Variants in PDE10A observed in about 807,000 individuals in gnomAD.
The protein encoded by PDE10A is cAMP and cAMP-inhibited cGMP 3',5'-cyclic phosphodiesterase 10A.
In PDE10A, 39 loss-of-function variants were observed where a neutral mutation model predicts 97.7. The observed-to-expected ratio is 0.40, with a 90% CI of 0.31 to 0.52. The LOEUF is 0.52. Ranked by LOEUF, PDE10A falls within the 20% of genes least tolerant of loss-of-function variation. The pLI is 0.56. For missense variants in PDE10A, 731 were observed against 1,047.8 expected (o/e 0.70, Z 4.17); for synonymous variants, 371 against 376.8 (o/e 0.98, Z 0.18).
intron 1 of PDE10A, among the ~76,000 whole-genome samples, chr6:165,764,521 G>A (rs1167347913): frequency 1.7e-5 from 2 of 119,870 alleles, no homozygotes; most frequent in South Asian, 7.2e-4. Context: ...AAGGTGGTGT[G>A]TCTGGAGTTT....
chr6:165,948,617 G>A (rs149107298), intron 1 of PDE10A: 106 of 152,466 alleles, frequency 7.0e-4, no homozygotes, highest in African/African-American at 2.5e-3. Flanking sequence ...TGCTAAGGAA[G>A]GTAGCTGAGA....
intron 1 of PDE10A, among the ~76,000 whole-genome samples, chr6:165,758,974 A>G (rs1793188864): frequency 6.6e-6 from 1 of 152,154 alleles, no homozygotes; most frequent in East Asian, 1.9e-4. Context: ...TTATTTGTAA[A>G]TGTAGGCATC....
intron 5 of PDE10A, among the ~76,000 whole-genome samples, chr6:165,436,830 TAG>T (rs1790052041): frequency 6.6e-6 from 1 of 152,192 alleles, no homozygotes; most frequent in African/African-American, 2.4e-5. Context: ...AGACTATCAT[TAG>T]ATTCAGTATC....
intron 1 of PDE10A, among the ~76,000 whole-genome samples, chr6:165,813,296 A>AG (rs1180227913): frequency 6.8e-6 from 1 of 147,526 alleles, no homozygotes; most frequent in Non-Finnish European, 1.5e-5. Flanking sequence ...TATATTTTTG[A>AG]GGAAGTTTGA....
At chr6:165,984,843 G>T (rs373588682) in intron 1 of PDE10A, among the ~76,000 whole-genome samples, 19 of 152,186 alleles carry the variant, frequency 1.2e-4, no homozygotes, top group Admixed American at 3.3e-4. Flanking sequence ...ACTCCTTCCA[G>T]TGTAACCAAA....
chr6:165,613,507 T>A (rs1178884473), intron 1 of PDE10A, among the ~76,000 whole-genome samples: 2 of 151,950 alleles, frequency 1.3e-5, no homozygotes, highest in East Asian at 3.9e-4. Context: ...GGCGTGGTGG[T>A]ACGCACCTAT....
rs554701228 is a variant in PDE10A at position 165,597,031 on chromosome 6, T to C, written c.866-53463A>G. Among the ~76,000 whole-genome samples the C allele has an allele frequency of 7.2e-5, 11 of 152,196 alleles. No homozygotes were observed. The South Asian group carries it at 2.3e-3, about 32-fold the overall frequency. ...TGCAGCCTTCCCTGCCCATGTTAATTAAAATGGTAACTGCCCTTCACTCCT... is the reference window on the plus strand; with the variant it reads ...TGCAGCCTTCCCTGCCCATGTTAATCAAAATGGTAACTGCCCTTCACTCCT... On this transcript the variant is annotated intron_variant, in intron 1 of 21. Coordinates refer to ENST00000539869, the MANE Select transcript of PDE10A (RefSeq NM_001385079.1).
intron 1 of PDE10A, chr6:165,948,247 AG>A (rs972603107): frequency 6.6e-6 from 1 of 152,202 alleles, no homozygotes; most frequent in Non-Finnish European, 1.5e-5. Flanking sequence ...TTTATTATCA[AG>A]TGCAGGTGGA....
intron 1 of PDE10A, among the ~76,000 whole-genome samples, chr6:165,803,689 T>C (rs1245680320): frequency 6.6e-6 from 1 of 152,210 alleles, no homozygotes; most frequent in African/African-American, 2.4e-5. Context: ...TAAAAATAAA[T>C]ATGGTATTTA....
rs11394414 is a variant in PDE10A, at chr6:165,558,998, T to TAA, written c.866-15432_866-15431dup. On this transcript the variant is annotated intron_variant, in intron 1 of 21. Transcript: ENST00000539869. ...GGAAGCACTATAACAACAATTCAAG[T>TAA]AAAAAAAAAAATTAAAATTCTCTTT... Among the ~76,000 whole-genome samples the TAA allele has an allele frequency of 2.6e-4, 39 of 148,592 alleles. No individual in the cohort carries two copies. In the South Asian group the frequency reaches 3.0e-3, roughly 11 times the overall value.
At chr6:165,572,383 T>C (rs537815303) in intron 1 of PDE10A, among the ~76,000 whole-genome samples, 112 of 152,360 alleles carry the variant, frequency 7.4e-4, no homozygotes, top group African/African-American at 2.5e-3. Context: ...TATATGAAAG[T>C]TGCTTTAAAA....
chr6:165,619,916 CAGATG>C (rs1177400796), intron 1 of PDE10A, among the ~76,000 whole-genome samples: 2 of 152,076 alleles, frequency 1.3e-5, no homozygotes, highest in African/African-American at 4.8e-5. Flanking sequence ...CTATAAACAT[CAGATG>C]AGATGAGATA....
intron 1 of PDE10A, among the ~76,000 whole-genome samples, chr6:165,595,540 T>C (rs1213742103): frequency 6.6e-6 from 1 of 152,244 alleles, no homozygotes; most frequent in Non-Finnish European, 1.5e-5. Context: ...AAATCAGTCC[T>C]TATTTTAATC....
At chr6:165,939,995 G>A (rs1192265171) in intron 1 of PDE10A, 1 of 152,264 alleles carries the variant, frequency 6.6e-6, no homozygotes, top group African/African-American at 2.4e-5. Context: ...TTGGGCAGCA[G>A]AAGAGGTCAT....
chr6:165,808,388 C>G (rs1156530194), intron 1 of PDE10A, among the ~76,000 whole-genome samples: 2 of 152,066 alleles, frequency 1.3e-5, no homozygotes, highest in Non-Finnish European at 2.9e-5. Context: ...TTCACACAGA[C>G]AGCGGGTGAT....
chr6:165,462,574 G>A (rs369983342), intron 3 of PDE10A, among the ~76,000 whole-genome samples: 13 of 152,270 alleles, frequency 8.5e-5, no homozygotes, highest in East Asian at 5.8e-4. Context: ...GGAGGATCCC[G>A]AGGACCCCCT....
intron 1 of PDE10A, among the ~76,000 whole-genome samples, chr6:165,808,291 T>C (rs1779190691): frequency 6.6e-6 from 1 of 152,204 alleles, no homozygotes; most frequent in African/African-American, 2.4e-5. Context: ...TAGTTGCCAG[T>C]CCCTCTGGTC....
intron 3 of PDE10A, among the ~76,000 whole-genome samples, chr6:165,467,051 T>G (rs758878278): frequency 2.6e-5 from 4 of 152,172 alleles, no homozygotes; most frequent in Non-Finnish European, 4.4e-5. Context: ...GGATAGAAGA[T>G]CAAACCAACT....
chr6:165,459,423 T>C (rs1778159356), intron 3 of PDE10A, among the ~76,000 whole-genome samples: 1 of 152,068 alleles, frequency 6.6e-6, no homozygotes, highest in Non-Finnish European at 1.5e-5. Flanking sequence ...TTCCCCTTAG[T>C]AGAAAATGGC....
Sources: allele counts gnomAD v4.1 joint callset (sites outside exome capture counted in the v4.1 genomes callset), GRCh38; gene constraint gnomAD v4.1.1; transcripts MANE v1.5; gene names NCBI Gene and HGNC (gene_info 2026-07-23, HGNC 2026-07-21).